The following RSU1 variants were observed in gnomAD, a reference collection of about 807,000 sequenced individuals.
RSU1 encodes Ras suppressor protein 1.
A neutral mutation model predicts 31.1 loss-of-function variants in RSU1; 26 were observed. That is an observed-to-expected ratio of 0.84 (90% CI 0.61 to 1.16). The LOEUF (loss-of-function observed/expected upper bound fraction) is 1.16, where lower values mean the gene tolerates loss of function less well. Ranked by LOEUF, RSU1 falls within the 50% of genes most tolerant of loss-of-function variation. The pLI is 0.00. For missense variants in RSU1, 320 were observed against 339.1 expected (o/e 0.94, Z 0.44); for synonymous variants, 164 against 136.3 (o/e 1.20, Z -1.41).
intron 8 of RSU1, among the ~76,000 whole-genome samples, chr10:16,608,848 C>T (rs1833847731): frequency 1.3e-5 from 2 of 152,156 alleles, no homozygotes; most frequent in Admixed American, 1.3e-4. Flanking sequence ...CATCCATTTC[C>T]TCCTAGTTTA....
At chr10:16,723,051 C>T (rs1836313139) in intron 7 of RSU1, 1 of 149,522 alleles carries the variant, frequency 6.7e-6, no homozygotes, top group South Asian at 2.1e-4. Context: ...GACATACATA[C>T]ACACATATAT....
At chr10:16,790,874 A>G (rs181095878) in intron 2 of RSU1, among the ~76,000 whole-genome samples, 10 of 152,274 alleles carry the variant, frequency 6.6e-5, no homozygotes, top group African/African-American at 2.2e-4. Flanking sequence ...CACCATGATT[A>G]TAAGTTTTCT....
chr10:16,728,008 G>T (rs1351186728), intron 7 of RSU1, among the ~76,000 whole-genome samples: 1 of 152,210 alleles, frequency 6.6e-6, no homozygotes, highest in African/African-American at 2.4e-5. Context: ...GAGAGAGAAA[G>T]AAATCACTTA....
intron 3 of RSU1, among the ~76,000 whole-genome samples, chr10:16,773,346 G>A (rs558800720): frequency 6.6e-6 from 1 of 152,126 alleles, no homozygotes. Flanking sequence ...AGAGGCCCAG[G>A]GCTAGGAAAA....
chr10:16,754,033 T>C (rs541510886), intron 5 of RSU1, among the ~76,000 whole-genome samples: 124 of 152,226 alleles, frequency 8.1e-4, no homozygotes, highest in African/African-American at 2.8e-3. Context: ...GAACTGCATG[T>C]TAATATAACA....
chr10:16,811,813 C>T (rs1838415882), intron 2 of RSU1, among the ~76,000 whole-genome samples: 1 of 152,224 alleles, frequency 6.6e-6, no homozygotes, highest in Non-Finnish European at 1.5e-5. Context: ...TATGCTTTCT[C>T]CCTTAGCCAA....
At chr10:16,645,922 G>GTA (rs1417334718) in intron 8 of RSU1, among the ~76,000 whole-genome samples, 309 of 17,292 alleles carry the variant, frequency 0.018, 80 homozygotes, top group Middle Eastern at 0.033. Flanking sequence ...ATATATATGT[G>GTA]TATATACACA....
At chr10:16,618,242 G>C (rs1564287693) in intron 8 of RSU1, among the ~76,000 whole-genome samples, 3 of 152,128 alleles carry the variant, frequency 2.0e-5, no homozygotes, top group Non-Finnish European at 4.4e-5. Flanking sequence ...ATCACCACTG[G>C]TCATTAGAGA....
At chr10:16,654,710 G>A (rs1834746775) in intron 8 of RSU1, among the ~76,000 whole-genome samples, 1 of 151,282 alleles carries the variant, frequency 6.6e-6, no homozygotes, top group South Asian at 2.1e-4. Context: ...ATGATTTAGT[G>A]TGAATTTAAG....
chr10:16,687,915 T>G (rs749073284), intron 8 of RSU1, among the ~76,000 whole-genome samples: 2 of 152,058 alleles, frequency 1.3e-5, no homozygotes, highest in Non-Finnish European at 2.9e-5. Flanking sequence ...ACAGACGAAG[T>G]CTCACTATGT....
intron 2 of RSU1, among the ~76,000 whole-genome samples, chr10:16,789,493 A>G (rs1837867981): frequency 6.6e-6 from 1 of 152,260 alleles, no homozygotes; most frequent in Non-Finnish European, 1.5e-5. Context: ...GTGGAGACAG[A>G]CATATTTATA....
At chr10:16,722,849 CACACATATATACATATATGTATATAT>C (rs796357758) in intron 7 of RSU1, among the ~76,000 whole-genome samples, 135 of 93,812 alleles carry the variant, frequency 1.4e-3, no homozygotes, top group Non-Finnish European at 2.6e-3. Flanking sequence ...TGTATATATA[CACACATATATACATATATGTATATAT>C]ACACACATAT....
intron 8 of RSU1, among the ~76,000 whole-genome samples, chr10:16,647,900 TG>T (rs893408450): frequency 3.9e-5 from 6 of 152,164 alleles, no homozygotes; most frequent in African/African-American, 1.4e-4. Flanking sequence ...ATTCTTTGAC[TG>T]GCACATAGGC....
chr10:16,636,414 C>G (rs1253900193), intron 8 of RSU1, among the ~76,000 whole-genome samples: 7 of 152,208 alleles, frequency 4.6e-5, no homozygotes, highest in Admixed American at 2.6e-4. Context: ...CTCTGTCCCT[C>G]TCCCGCTTCG....
At chr10:16,764,039 G>GA (rs1323665172) in intron 4 of RSU1, among the ~76,000 whole-genome samples, 14 of 151,636 alleles carry the variant, frequency 9.2e-5, no homozygotes, top group African/African-American at 4.9e-5. Flanking sequence ...ACACAGAGAG[G>GA]AAAAAGAAAT....
At chr10:16,737,077 T>C (rs1000382140) in intron 7 of RSU1, among the ~76,000 whole-genome samples, 2 of 151,868 alleles carry the variant, frequency 1.3e-5, no homozygotes, top group Non-Finnish European at 2.9e-5. Context: ...TAAAAAGTTT[T>C]GTATAAGTGA....
chr10:16,762,746 C>T (rs1355603288), intron 4 of RSU1, among the ~76,000 whole-genome samples: 3 of 151,962 alleles, frequency 2.0e-5, no homozygotes, highest in Non-Finnish European at 4.4e-5. Flanking sequence ...TTGGCAAATA[C>T]GGCCAGACGC....
At chr10:16,676,217 G>C (rs1329138626) in intron 8 of RSU1, among the ~76,000 whole-genome samples, 1 of 152,178 alleles carries the variant, frequency 6.6e-6, no homozygotes, top group African/African-American at 2.4e-5. Context: ...ACCCACGACT[G>C]AGTAGTTTAT....
chr10:16,722,927 TACACAC>T (rs1208373648), intron 7 of RSU1, among the ~76,000 whole-genome samples: 1 of 147,582 alleles, frequency 6.8e-6, no homozygotes, highest in South Asian at 2.1e-4. Flanking sequence ...TATGTATATA[TACACAC>T]ATATACATAT....
Sources: allele counts gnomAD v4.1 joint callset (sites outside exome capture counted in the v4.1 genomes callset), GRCh38; gene constraint gnomAD v4.1.1; transcripts MANE v1.5; gene names NCBI Gene and HGNC (gene_info 2026-07-23, HGNC 2026-07-21).